INTS9: variants seen among roughly 807,000 people sequenced by gnomAD.
The protein encoded by INTS9 is integrator complex subunit 9, also known as protein related to CPSF subunits of 74 kDa.
Under a neutral mutation model 79.7 loss-of-function variants are expected in INTS9, and 55 were observed. That is an observed-to-expected ratio of 0.69 (90% CI 0.56 to 0.86). The LOEUF (loss-of-function observed/expected upper bound fraction) is 0.86. INTS9 is among the 40% of genes least tolerant of loss of function. The probability of loss-of-function intolerance (pLI) is 0.00; values close to 1 mark genes in which losing one functional copy is unlikely to be tolerated. For synonymous variants in INTS9, 319 were observed against 325.2 expected, an observed-to-expected ratio of 0.98 and a Z score of 0.20; for missense variants, 721 against 831.5, an observed-to-expected ratio of 0.87 and a Z score of 1.64.
At chr8:28,840,825 A>T (rs1192996157) in intron 4 of INTS9, among the ~76,000 whole-genome samples, 5 of 151,046 alleles carry the variant, frequency 3.3e-5, no homozygotes, top group Admixed American at 1.3e-4. Flanking sequence ...TAGCATTAAG[A>T]GATATACCTA....
Position 28,778,730 on chromosome 8 carries a change from T to C in INTS9, c.1271-777A>G, listed in dbSNP as rs28502120. ...CGCTCGGTCCTAACTGATGTGACACTTTGATTCCCAGCACAGTCTGTGCCC... is the reference window on the plus strand; with the variant it reads ...CGCTCGGTCCTAACTGATGTGACACCTTGATTCCCAGCACAGTCTGTGCCC... On this transcript the variant is annotated intron_variant, in intron 12 of 16. Coordinates refer to ENST00000521022, the MANE Select transcript of INTS9 (RefSeq NM_018250.4). 5.3e-3 allele frequency among the ~76,000 whole-genome samples: 803 copies of C among 152,312 alleles called. 5 individuals are homozygous for C. Among genetic ancestry groups the C allele is most frequent in the African/African-American group, 0.017 (704 of 41,566 alleles).
At position 28,806,960 on chromosome 8, in the gene INTS9, G is replaced by T. The variant is rs546426606; in HGVS notation, c.744+5367C>A. On this transcript the variant is annotated intron_variant, in intron 8 of 16. Transcript: ENST00000521022. The stretch of plus-strand genomic sequence containing the variant: ...AAGTATTAAACAGAGTAAATCCAAA[G>T]TAAAGAAGGAAGGAAGGAGATAAAG... 8.7e-4 allele frequency among the ~76,000 whole-genome samples: 132 copies of T among 152,062 alleles called. 1 individual carries two copies. Among genetic ancestry groups the T allele is most frequent in the African/African-American group, 2.9e-3 (119 of 41,470 alleles).
At chr8:28,790,786 A>G (rs1339214468) in intron 10 of INTS9, among the ~76,000 whole-genome samples, 1 of 152,164 alleles carries the variant, frequency 6.6e-6, no homozygotes, top group African/African-American at 2.4e-5. Flanking sequence ...TTCTTGTGGC[A>G]ATCCCAGCCA....
chr8:28,771,041 T>A lies in INTS9; in HGVS notation c.1603A>T (p.Ile535Phe). 1.2e-6 allele frequency: 2 copies of A among 1,613,268 alleles called. No homozygotes were observed. Among genetic ancestry groups the A allele is most frequent in the Non-Finnish European group, 1.7e-6 (2 of 1,179,670 alleles). ...ACGGCCGAGACAGTTGCCAAGGAGATGCCAGGCTTGATCTCCATGGGCACC... is the reference window on the plus strand; with the variant it reads ...ACGGCCGAGACAGTTGCCAAGGAGAAGCCAGGCTTGATCTCCATGGGCACC... ...SLVPMEIKPG[I>F]SLATVSAVLH... is the part of the protein sequence containing the mutation. The change falls in exon 15 of 17, where the codon ATC becomes TTC. Residue 535 changes from isoleucine to phenylalanine, a missense_variant. Physicochemically the swap from Ile to Phe is conservative, Grantham distance 21 (BLOSUM62 0). Transcript: ENST00000521022.
chr8:28,821,184 T>C (rs1805805104), intron 6 of INTS9, among the ~76,000 whole-genome samples: 1 of 152,108 alleles, frequency 6.6e-6, no homozygotes, highest in Non-Finnish European at 1.5e-5. Context: ...GGACAATTAG[T>C]CCGTTTTCAC....
intron 8 of INTS9, among the ~76,000 whole-genome samples, chr8:28,809,709 G>A (rs1448376306): frequency 6.6e-6 from 1 of 152,112 alleles, no homozygotes; most frequent in Admixed American, 6.6e-5. Context: ...GAACATATCA[G>A]GAACGATAGA....
intron 1 of INTS9, among the ~76,000 whole-genome samples, chr8:28,877,577 T>A (rs558167667): frequency 6.6e-6 from 1 of 152,240 alleles, no homozygotes; most frequent in Admixed American, 6.5e-5. Context: ...ATGTACTCCC[T>A]AAGAGGCTCA....
chr8:28,768,067 C>T lies in INTS9; in HGVS notation c.*79G>A. 7.4e-7 allele frequency: 1 copy of T among 1,347,762 alleles called. No homozygotes were observed. Among genetic ancestry groups the T allele is most frequent in the Non-Finnish European group, 1.1e-6 (1 of 948,092 alleles). The allele number at this position is 1,347,762 out of a possible 1,614,324, so 83.5% of individuals were successfully genotyped here. On this transcript the variant is annotated 3_prime_UTR_variant, in exon 17 of 17. Transcript: ENST00000521022. ...CACAAAGACACAGTTAATGGCCTCTCATGCCACTCCTCAGGTGGCTTGTGA... is the reference window on the plus strand; with the variant it reads ...CACAAAGACACAGTTAATGGCCTCTTATGCCACTCCTCAGGTGGCTTGTGA...
chr8:28,795,535 G>C (rs918385186), intron 9 of INTS9, among the ~76,000 whole-genome samples: 4 of 151,360 alleles, frequency 2.6e-5, no homozygotes, highest in African/African-American at 9.7e-5. Flanking sequence ...AGCTACTCGG[G>C]AGGCTGAAGC....
chr8:28,868,361 T>A (rs937373488), intron 1 of INTS9, among the ~76,000 whole-genome samples: 1 of 152,234 alleles, frequency 6.6e-6, no homozygotes, highest in South Asian at 2.1e-4. Context: ...CCTTTAATTA[T>A]CTGTACTGTA....
intron 4 of INTS9, among the ~76,000 whole-genome samples, chr8:28,841,598 T>C (rs1475670769): frequency 6.6e-6 from 1 of 152,214 alleles, no homozygotes; most frequent in African/African-American, 2.4e-5. Flanking sequence ...AGGTAATTCT[T>C]GACCAACACA....
chr8:28,881,977 G>T (rs1490227434), intron 1 of INTS9, among the ~76,000 whole-genome samples: 1 of 144,100 alleles, frequency 6.9e-6, no homozygotes, highest in African/African-American at 2.6e-5. Flanking sequence ...ATTGGGGATG[G>T]GCCATGATGA....
chr8:28,791,070 TC>T (rs1803892268), intron 10 of INTS9, among the ~76,000 whole-genome samples: 1 of 152,166 alleles, frequency 6.6e-6, no homozygotes, highest in South Asian at 2.1e-4. Flanking sequence ...AACCAGTAAG[TC>T]CTGCCCCTTG....
chr8:28,872,161 A>G (rs1323746571), intron 1 of INTS9, among the ~76,000 whole-genome samples: 1 of 152,218 alleles, frequency 6.6e-6, no homozygotes, highest in African/African-American at 2.4e-5. Context: ...GCAATATTGC[A>G]TCAGAGTTTA....
At chr8:28,778,667 C>G (rs1415837991) in intron 12 of INTS9, among the ~76,000 whole-genome samples, 5 of 152,224 alleles carry the variant, frequency 3.3e-5, no homozygotes. Flanking sequence ...AACATTCCCC[C>G]AACTCGAGGG....
At chr8:28,769,344 T>G (rs182395973) in intron 16 of INTS9, among the ~76,000 whole-genome samples, 1 of 152,374 alleles carries the variant, frequency 6.6e-6, no homozygotes, top group East Asian at 1.9e-4. Flanking sequence ...TAAAGTCATC[T>G]CTGAAGTCCT....
chr8:28,824,338 C>G (rs1189593706), intron 6 of INTS9, among the ~76,000 whole-genome samples: 1 of 152,178 alleles, frequency 6.6e-6, no homozygotes, highest in Non-Finnish European at 1.5e-5. Context: ...AGGATAAAAT[C>G]CAAGGCTCTC....
rs542280348 is a variant in INTS9, at chr8:28,773,290, C to T, written c.1564-2210G>A. Among the ~76,000 whole-genome samples the T allele has an allele frequency of 2.0e-3, 311 of 151,942 alleles. 3 individuals carry two copies. Among genetic ancestry groups the T allele is most frequent in the Middle Eastern group, 0.01 (3 of 294 alleles). ...CATCCTGGCTAACACGATGAAACCCCGTCTCTACTAAAAATACAAAAAAAT... is the reference window on the plus strand; with the variant it reads ...CATCCTGGCTAACACGATGAAACCCTGTCTCTACTAAAAATACAAAAAAAT... On this transcript the variant is annotated intron_variant, in intron 14 of 16. Transcript: ENST00000521022.
chr8:28,770,670 CAGGT>C (rs944091116), intron 15 of INTS9, among the ~76,000 whole-genome samples: 8 of 152,230 alleles, frequency 5.3e-5, no homozygotes, highest in South Asian at 2.1e-4. Flanking sequence ...ACCAGGCTCT[CAGGT>C]AGCCACAGCC....
Sources: gnomAD v4.1 joint callset for allele counts (sites outside exome capture counted in the v4.1 genomes callset) on GRCh38, gnomAD v4.1.1 for gene constraint, MANE v1.5 for transcripts, NCBI Gene and HGNC (gene_info 2026-07-23, HGNC 2026-07-21) for gene names.